The following CLIC5 variants were observed in gnomAD, a reference collection of about 807,000 sequenced individuals.
The protein encoded by CLIC5 is CLIC family member 5, also known as chloride intracellular channel protein 5.
CLIC5 carries 20 observed loss-of-function variants against 24.7 expected under a neutral mutation model. The observed-to-expected ratio is 0.81, with a 90% CI of 0.57 to 1.18. CLIC5 has a LOEUF of 1.18. Among genes scored for constraint, CLIC5 ranks in the 50% most tolerant of loss-of-function variants. The pLI, the probability that CLIC5 is intolerant of heterozygous loss-of-function variation, is 0.00. For missense variants in CLIC5, 341 were observed against 326.1 expected (o/e 1.05, Z -0.35); for synonymous variants, 159 against 135.6 (o/e 1.17, Z -1.20).
intron 1 of CLIC5, among the ~76,000 whole-genome samples, chr6:46,076,282 C>T (rs1422269593): frequency 1.3e-5 from 2 of 152,214 alleles, no homozygotes; most frequent in Non-Finnish European, 2.9e-5. Context: ...CGCCTACTTA[C>T]CGTCACTCTC....
intron 4 of CLIC5, among the ~76,000 whole-genome samples, chr6:45,936,576 C>T (rs765307067): frequency 1.3e-5 from 2 of 152,024 alleles, no homozygotes; most frequent in African/African-American, 4.8e-5. Flanking sequence ...CAGTTATTAC[C>T]CCCATTTCAC....
At chr6:46,037,296 G>A (rs968552931) in intron 1 of CLIC5, among the ~76,000 whole-genome samples, 2 of 152,188 alleles carry the variant, frequency 1.3e-5, no homozygotes, top group Admixed American at 6.5e-5. Flanking sequence ...TGAATGGCAT[G>A]CTCAGTCAGC....
At chr6:45,967,853 C>T (rs142498330) in intron 1 of CLIC5, among the ~76,000 whole-genome samples, 4 of 152,054 alleles carry the variant, frequency 2.6e-5, no homozygotes, top group Non-Finnish European at 4.4e-5. Context: ...ACTATCAGAG[C>T]GAGAACTCAC....
intron 1 of CLIC5, among the ~76,000 whole-genome samples, chr6:45,971,582 T>C (rs1765202831): frequency 6.6e-6 from 1 of 152,192 alleles, no homozygotes; most frequent in Non-Finnish European, 1.5e-5. Context: ...GTCTTCTAGA[T>C]CCTATCTAAT....
chr6:46,066,865 T>C (rs1762457032), intron 1 of CLIC5, among the ~76,000 whole-genome samples: 1 of 152,098 alleles, frequency 6.6e-6, no homozygotes. Context: ...GAAGGTGTTG[T>C]AGGCAGAGGT....
At chr6:45,983,956 T>C (rs559083340) in intron 1 of CLIC5, among the ~76,000 whole-genome samples, 1 of 152,302 alleles carries the variant, frequency 6.6e-6, no homozygotes, top group East Asian at 1.9e-4. Context: ...TCTCTTTTGT[T>C]CACTGCTGTA....
At chr6:46,112,536 C>G in the CLIC5 span, among the ~76,000 whole-genome samples, 2 of 152,192 alleles carry the variant, frequency 1.3e-5, no homozygotes, top group Admixed American at 6.5e-5. Flanking sequence ...GTTTGCCCCC[C>G]ACGTGCATGT....
At chr6:45,973,546 T>C (rs1051188033) in intron 1 of CLIC5, among the ~76,000 whole-genome samples, 2 of 152,226 alleles carry the variant, frequency 1.3e-5, no homozygotes, top group African/African-American at 4.8e-5. Flanking sequence ...CCAATATATA[T>C]AAAATGAATT....
intron 4 of CLIC5, among the ~76,000 whole-genome samples, chr6:45,928,929 T>G (rs1002670679): frequency 2.0e-5 from 3 of 152,194 alleles, no homozygotes; most frequent in Non-Finnish European, 4.4e-5. Flanking sequence ...AAATCAGTTA[T>G]TTAACGTTCC....
At chr6:46,090,008 G>A in the CLIC5 span, among the ~76,000 whole-genome samples, 1 of 152,128 alleles carries the variant, frequency 6.6e-6, no homozygotes, top group South Asian at 2.1e-4. Context: ...TTTGTAATAA[G>A]ATTAGGGTGC....
chr6:45,943,538 G>C (rs1372981672), intron 3 of CLIC5, among the ~76,000 whole-genome samples: 1 of 152,200 alleles, frequency 6.6e-6, no homozygotes, highest in East Asian at 1.9e-4. Context: ...CATGCTATTA[G>C]AATCGATAGA....
intron 1 of CLIC5, among the ~76,000 whole-genome samples, chr6:45,967,977 G>A (rs567260168): frequency 1.8e-4 from 28 of 152,252 alleles, no homozygotes; most frequent in African/African-American, 4.6e-4. Flanking sequence ...GAGATTTGGC[G>A]GGGACACACA....
At chr6:45,976,780 A>C (rs1002985519) in intron 1 of CLIC5, among the ~76,000 whole-genome samples, 1 of 152,236 alleles carries the variant, frequency 6.6e-6, no homozygotes, top group African/African-American at 2.4e-5. Context: ...TGGGTAATGG[A>C]CATTATAATG....
At chr6:45,955,077 T>C in intron 2 of CLIC5, 58 bp downstream of exon 2, 2 of 1,328,482 alleles carry the variant, frequency 1.5e-6, no homozygotes, top group South Asian at 2.5e-5. Context: ...CCCTCCTTCA[T>C]GGAAGGTTCT....
chr6:46,065,468 A>G, intron 1 of CLIC5, among the ~76,000 whole-genome samples: 1 of 152,180 alleles, frequency 6.6e-6, no homozygotes, highest in East Asian at 1.9e-4. Context: ...TTACACATAA[A>G]TCTTTATAGC....
At chr6:46,050,428 C>T (rs1340197471) in intron 1 of CLIC5, among the ~76,000 whole-genome samples, 2 of 152,314 alleles carry the variant, frequency 1.3e-5, no homozygotes, top group South Asian at 2.1e-4. Context: ...ACAAAGTAAA[C>T]TTGGCATCCT....
chr6:46,080,925 T>C (rs532074035), upstream of CLIC5, among the ~76,000 whole-genome samples: 2 of 152,290 alleles, frequency 1.3e-5, no homozygotes, highest in Admixed American at 1.3e-4. Context: ...CTCAAAGACT[T>C]ATGGCTTTAA....
chr6:46,100,215 A>T, the CLIC5 span, among the ~76,000 whole-genome samples: 3 of 152,192 alleles, frequency 2.0e-5, no homozygotes, highest in Non-Finnish European at 4.4e-5. Flanking sequence ...TTCAGTCACT[A>T]GGTCAGAGCT....
chr6:46,081,286 C>T (rs1330323450), upstream of CLIC5, among the ~76,000 whole-genome samples: 1 of 152,116 alleles, frequency 6.6e-6, no homozygotes, highest in Non-Finnish European at 1.5e-5. Flanking sequence ...CTTCCCTTTG[C>T]CACACCACAT....
Sources: gnomAD v4.1 joint callset for allele counts (sites outside exome capture counted in the v4.1 genomes callset) on GRCh38, gnomAD v4.1.1 for gene constraint, MANE v1.5 for transcripts, NCBI Gene and HGNC (gene_info 2026-07-23, HGNC 2026-07-21) for gene names.